Variants in ABCB4 observed in about 807,000 individuals in gnomAD.
ABCB4 encodes ATP binding cassette subfamily B member 4.
In ABCB4, 76 loss-of-function variants were observed where a neutral mutation model predicts 145.7. The observed-to-expected ratio is 0.52, with a 90% CI of 0.43 to 0.63. The LOEUF (loss-of-function observed/expected upper bound fraction) is 0.63. Ranked by LOEUF, ABCB4 falls within the 30% of genes least tolerant of loss-of-function variation. ABCB4 has a pLI of 0.00. For missense variants in ABCB4, 1,234 were observed against 1,553.1 expected (o/e 0.79, Z 3.45); for synonymous variants, 517 against 566.8 (o/e 0.91, Z 1.25).
chr7:87,445,741 T>A (rs1320587180), intron 9 of ABCB4, among the ~76,000 whole-genome samples: 1 of 152,158 alleles, frequency 6.6e-6, no homozygotes, highest in Non-Finnish European at 1.5e-5. Context: ...AAATATCAGT[T>A]AAATATCTAT....
rs1808433407 is a variant in ABCB4, at chr7:87,409,285, A to G, written c.3032T>C (p.Phe1011Ser). The G allele has an allele frequency of 1.2e-6, 2 of 1,614,142 alleles. No individual in the cohort carries two copies. The highest frequency in any genetic ancestry group is 1.7e-6 in the Non-Finnish European group (2 of 1,180,004). The change falls in exon 24 of 28, where the codon TTT becomes TCT. Residue 1011 changes from phenylalanine to serine, a missense_variant. Coordinates refer to ENST00000649586, the MANE Select transcript of ABCB4 (RefSeq NM_000443.4). Reference protein sequence around the residue: ...KLSAAHLFMLFERQPLIDSYS... With the variant: ...KLSAAHLFMLSERQPLIDSYS... Reference sequence around the variant, plus strand: ...GCTGTCAATCAGAGGTTGTCTTTCAAACAGCATGAATAAGTGGGCTGCAGA... The same window carrying G: ...GCTGTCAATCAGAGGTTGTCTTTCAGACAGCATGAATAAGTGGGCTGCAGA...
intron 23 of ABCB4, among the ~76,000 whole-genome samples, chr7:87,410,454 G>A (rs764765619): frequency 5.9e-5 from 9 of 152,188 alleles, no homozygotes; most frequent in Non-Finnish European, 1.0e-4. Flanking sequence ...CAACCCACAT[G>A]TGGCTGCATA....
chr7:87,426,889 A>G lies in ABCB4; in HGVS notation c.1925T>C (p.Phe642Ser). The G allele has an allele frequency of 2.5e-6, 4 of 1,613,322 alleles. No homozygotes were observed. The highest frequency in any genetic ancestry group is 3.4e-6 in the Non-Finnish European group (4 of 1,179,884). Residue 642 changes from phenylalanine (F) to serine (S), a missense_variant, in exon 16 of 28, where the codon TTT becomes TCT. Physicochemically the swap from Phe to Ser is radical, Grantham distance 155. Around this residue, in one of 7 missense-constraint regions of ABCB4, gnomAD observed 321 missense variants for 332.6 expected, o/e 0.97. Coordinates refer to ENST00000649586, the MANE Select transcript of ABCB4 (RefSeq NM_000443.4). Reference sequence around the variant, plus strand: ...GGCAGCCTTTTCATCATTTAGTTCAAATTCTTCTGACTGGATCTGGCTTCC... The same window carrying G: ...GGCAGCCTTTTCATCATTTAGTTCAGATTCTTCTGACTGGATCTGGCTTCC... ...TSGSQIQSEE[F>S]ELNDEKAATR...
chr7:87,438,089 A>G (rs1810729418), intron 14 of ABCB4, among the ~76,000 whole-genome samples: 1 of 152,192 alleles, frequency 6.6e-6, no homozygotes, highest in South Asian at 2.1e-4. Flanking sequence ...TATATTGTAT[A>G]TTGAATATCT....
intron 7 of ABCB4, among the ~76,000 whole-genome samples, chr7:87,450,301 A>G (rs1446209028): frequency 6.6e-6 from 1 of 152,098 alleles, no homozygotes; most frequent in African/African-American, 2.4e-5. Context: ...AGGCTCCCCA[A>G]GAGTACTCAG....
chr7:87,370,921 G>A, the ABCB4 span, among the ~76,000 whole-genome samples: 1 of 152,218 alleles, frequency 6.6e-6, no homozygotes. Flanking sequence ...AAGTAGTTAT[G>A]TCTACTAGTG....
At chr7:87,429,784 C>A (rs1486560692) in intron 15 of ABCB4, among the ~76,000 whole-genome samples, 1 of 152,044 alleles carries the variant, frequency 6.6e-6, no homozygotes, top group East Asian at 1.9e-4. Context: ...TGTAGAACAC[C>A]CTCTGGCACA....
chr7:87,422,779 A>G (rs1485599302), intron 17 of ABCB4, among the ~76,000 whole-genome samples: 1 of 151,452 alleles, frequency 6.6e-6, no homozygotes, highest in Non-Finnish European at 1.5e-5. Flanking sequence ...CCTCTCTATT[A>G]CCCTACCCAT....
intron 15 of ABCB4, 69 bp from the exon 16 acceptor site, chr7:87,426,989 G>GT: frequency 8.0e-7 from 1 of 1,248,554 alleles, no homozygotes; most frequent in Non-Finnish European, 1.1e-6. Context: ...GTCTCCAAAT[G>GT]GATGTAACCT....
intron 10 of ABCB4, among the ~76,000 whole-genome samples, 180 bp downstream of exon 10, chr7:87,444,682 T>C (rs1811226087): frequency 6.6e-6 from 1 of 152,154 alleles, no homozygotes; most frequent in African/African-American, 2.4e-5. Flanking sequence ...TTAAAAAATA[T>C]TAATAAGAGG....
At chr7:87,418,481 T>C in intron 20 of ABCB4, 56 bp downstream of exon 20, 2 of 1,512,406 alleles carry the variant, frequency 1.3e-6, no homozygotes, top group Non-Finnish European at 1.8e-6. Context: ...GTATGCTACA[T>C]GCTTATCTAA....
chr7:87,415,904 A>G (rs957216072), intron 21 of ABCB4, among the ~76,000 whole-genome samples: 1 of 152,196 alleles, frequency 6.6e-6, no homozygotes, highest in African/African-American at 2.4e-5. Flanking sequence ...CTCCCATATG[A>G]AATGTGGAAA....
chr7:87,443,795 G>T, intron 10 of ABCB4, 22 bp from the exon 11 acceptor site: 1 of 1,552,238 alleles, frequency 6.4e-7, no homozygotes, highest in South Asian at 1.1e-5. Flanking sequence ...AAAATGTAAT[G>T]ACTATTCCAT....
chr7:87,373,741 C>T, the ABCB4 span, among the ~76,000 whole-genome samples: 4 of 151,872 alleles, frequency 2.6e-5, no homozygotes, highest in East Asian at 7.7e-4. Flanking sequence ...AAGAAGTAGA[C>T]GAGATTACCA....
intron 2 of ABCB4, among the ~76,000 whole-genome samples, chr7:87,472,979 T>TA (rs893479010): frequency 2.0e-5 from 3 of 152,206 alleles, no homozygotes; most frequent in Non-Finnish European, 2.9e-5. Flanking sequence ...TTTCTAAAAT[T>TA]AAAAAAAATC....
chr7:87,446,711 A>G (rs1300987259), intron 9 of ABCB4, among the ~76,000 whole-genome samples: 1 of 152,242 alleles, frequency 6.6e-6, no homozygotes, highest in Non-Finnish European at 1.5e-5. Flanking sequence ...ACTTTCTTAT[A>G]CAATAAAACT....
At chr7:87,465,381 C>T (rs1254388599) in intron 3 of ABCB4, among the ~76,000 whole-genome samples, 1 of 152,104 alleles carries the variant, frequency 6.6e-6, no homozygotes, top group Non-Finnish European at 1.5e-5. Flanking sequence ...GGCCAGGAAG[C>T]TCTTGAGTAG....
intron 26 of ABCB4, among the ~76,000 whole-genome samples, chr7:87,404,531 T>C (rs1169538459): frequency 2.0e-5 from 3 of 152,134 alleles, no homozygotes; most frequent in Admixed American, 6.5e-5. Context: ...TCATCAAAAG[T>C]AAAACTTTTG....
chr7:87,394,765 A>G, the ABCB4 span, among the ~76,000 whole-genome samples: 2 of 152,160 alleles, frequency 1.3e-5, no homozygotes, highest in Non-Finnish European at 2.9e-5. Flanking sequence ...CGAAGTTATT[A>G]TATGACAACT....
Sources: allele counts gnomAD v4.1 joint callset (sites outside exome capture counted in the v4.1 genomes callset), GRCh38; gene constraint gnomAD v4.1.1; regional missense constraint gnomAD v4.1.1; transcripts MANE v1.5; gene names NCBI Gene and HGNC (gene_info 2026-07-23, HGNC 2026-07-21).